Variants in IGFLR1 observed in about 807,000 individuals in gnomAD.
The protein encoded by IGFLR1 is IGF-like family receptor 1.
A neutral mutation model predicts 23.4 loss-of-function variants in IGFLR1; 17 were observed. That is an observed-to-expected ratio of 0.73 (90% CI 0.50 to 1.09). The LOEUF (loss-of-function observed/expected upper bound fraction) is 1.09. IGFLR1 is among the 50% of genes least tolerant of loss of function. The probability of loss-of-function intolerance (pLI) is 0.00; values close to 1 mark genes in which losing one functional copy is unlikely to be tolerated. For synonymous variants in IGFLR1, 265 were observed against 210.7 expected, an observed-to-expected ratio of 1.26 and a Z score of -2.23; for missense variants, 556 against 459.2, an observed-to-expected ratio of 1.21 and a Z score of -1.93.
chr19:35,740,189 T>G (rs1457876372), intron 3 of IGFLR1, 101 bp from the exon 4 acceptor site: 1 of 1,399,448 alleles, frequency 7.1e-7, no homozygotes, highest in Admixed American at 2.8e-5. Flanking sequence ...ACATCCCATC[T>G]GATACGGTAT....
chr19:35,740,663 G>C, intron 2 of IGFLR1, 99 bp from the exon 3 acceptor site: 1 of 1,195,812 alleles, frequency 8.4e-7, no homozygotes, highest in East Asian at 2.6e-5. Context: ...CGCCCCTCCA[G>C]GACGCTTCCA....
intron 3 of IGFLR1, 117 bp from the exon 4 acceptor site, chr19:35,740,205 A>G: frequency 2.2e-6 from 3 of 1,379,086 alleles, no homozygotes; most frequent in South Asian, 1.5e-5. Context: ...GGTATCTGAT[A>G]AGGTAGTTGG....
At position 35,738,931 on chromosome 19, in the gene IGFLR1, A is replaced by G. The variant is rs970044290; in HGVS notation, c.*349T>C. On this transcript the variant is annotated 3_prime_UTR_variant, in exon 5 of 5. Coordinates refer to ENST00000246532, the MANE Select transcript of IGFLR1 (RefSeq NM_024660.4). This position sits in a 1 kb window ranked among gnomAD's most constrained non-coding sequence, Gnocchi z 8.7. Reference sequence around the variant, plus strand: ...GGGGGCAGGTAGGAACCCCACTTCTACACACCCACCCATCATGACCCAAGG... The same window carrying G: ...GGGGGCAGGTAGGAACCCCACTTCTGCACACCCACCCATCATGACCCAAGG... 6.7e-6 allele frequency: 3 copies of G among 449,878 alleles called. No individual in the cohort carries two copies. Among genetic ancestry groups the G allele is most frequent in the Non-Finnish European group, 1.2e-5 (3 of 251,786 alleles). 27.9% of individuals were successfully genotyped at this position (449,878 alleles called of 1,614,324 possible).
At chr19:35,740,160 T>C (rs2146490983) in intron 3 of IGFLR1, 72 bp from the exon 4 acceptor site, 1 of 1,485,242 alleles carries the variant, frequency 6.7e-7, no homozygotes, top group South Asian at 1.3e-5. Flanking sequence ...CTCCCAACTT[T>C]ATATCCTTTA....
chr19:35,740,604 G>T, intron 2 of IGFLR1, 40 bp from the exon 3 acceptor site: 4 of 1,553,888 alleles, frequency 2.6e-6, no homozygotes, highest in Non-Finnish European at 3.5e-6. Flanking sequence ...CGCCTAGCCC[G>T]CCCCTGCGCG....
Position 35,742,026 on chromosome 19 carries a change from T to C in IGFLR1, c.-44+370A>G, listed in dbSNP as rs568171420. 5.3e-5 allele frequency among the ~76,000 whole-genome samples: 8 copies of C among 152,208 alleles called. No homozygotes were observed. The East Asian group carries it at 1.2e-3, about 22-fold the overall frequency. On this transcript the variant is annotated intron_variant, in intron 1 of 4. Transcript: ENST00000246532. ...ACTTGGGAGGCTGAGGCAGAATTGC[T>C]TGAACCTGGGAAGTGGAGGCTGCAG...
chr19:35,741,436 C>G, intron 1 of IGFLR1: 4 of 503,262 alleles, frequency 7.9e-6, no homozygotes, highest in Non-Finnish European at 1.4e-5. Flanking sequence ...GTGTCCTCAC[C>G]CACCCACCCT....
intron 1 of IGFLR1, chr19:35,741,449 CT>C: frequency 6.0e-6 from 3 of 502,456 alleles, no homozygotes; most frequent in Non-Finnish European, 7.2e-6. Flanking sequence ...CCCACCCTCC[CT>C]TTTCCATCCC....
Position 35,741,030 on chromosome 19 carries a change from A to AG in IGFLR1, c.150dup (p.Cys51LeufsTer5). The AG allele has an allele frequency of 1.2e-6, 2 of 1,611,280 alleles. No homozygotes were observed. Among genetic ancestry groups the AG allele is most frequent in the African/African-American group, 1.3e-5 (1 of 74,986 alleles). ...CTCGGTCTCGGATTCTCACCCGGGC[A>AG]GGGGGGCGGCCCGAAGCGTTGCAGG... On this transcript the variant is annotated frameshift_variant, in exon 2 of 5. Coordinates refer to ENST00000246532, the MANE Select transcript of IGFLR1 (RefSeq NM_024660.4). LOFTEE classifies it high-confidence loss of function.
Position 35,739,270 on chromosome 19 carries a change from T to G in IGFLR1, c.*10A>C. ...TGGGCTTAGTAGTCAGCAAAGTTCT[T>G]TATTGGGTGTTAAGCCCAGCAAACC... On this transcript the variant is annotated 3_prime_UTR_variant, in exon 5 of 5. Coordinates refer to ENST00000246532, the MANE Select transcript of IGFLR1 (RefSeq NM_024660.4). The G allele has an allele frequency of 6.4e-7, 1 of 1,557,398 alleles. No homozygotes were observed. Among genetic ancestry groups the G allele is most frequent in the Non-Finnish European group, 8.7e-7 (1 of 1,147,000 alleles).
chr19:35,740,178 C>T (rs1235995394), intron 3 of IGFLR1, 90 bp from the exon 4 acceptor site: 3 of 1,432,602 alleles, frequency 2.1e-6, no homozygotes, highest in Non-Finnish European at 2.8e-6. Flanking sequence ...TTAATGGGGC[C>T]ACATCCCATC....
At position 35,739,516 on chromosome 19, in the gene IGFLR1, C is replaced by T; in HGVS notation, c.832G>A (p.Ala278Thr). 6.2e-7 allele frequency: 1 copy of T among 1,614,058 alleles called. No homozygotes were observed. Among genetic ancestry groups the T allele is most frequent in the South Asian group, 1.1e-5 (1 of 91,088 alleles). Residue 278 changes from alanine (A) to threonine (T), a missense_variant, in exon 5 of 5, where the codon GCC becomes ACC. Transcript: ENST00000246532. ...GCCAGGTGTCGAGTAGTGCCATGGG[C>T]CATACCCCCACCTGGCCCAGGCTCA... ...DPEPGPGGGM[A>T]HGTTRHLAAR...
chr19:35,740,214 G>A lies in IGFLR1; in HGVS notation c.343-126C>T, dbSNP rs1001911955. On this transcript the variant is annotated intron_variant, in intron 3 of 4. Coordinates refer to ENST00000246532, the MANE Select transcript of IGFLR1 (RefSeq NM_024660.4). The stretch of plus-strand genomic sequence containing the variant: ...TGATACGGTATCTGATAAGGTAGTT[G>A]GGCCCCGCAAGGCCCAACTACCTTA... 3.7e-5 allele frequency: 51 copies of A among 1,370,236 alleles called. No homozygotes were observed. In the South Asian group the frequency reaches 7.1e-4, roughly 19 times the overall value. The allele number at this position is 1,370,236 out of a possible 1,614,324, so 84.9% of individuals were successfully genotyped here.
In IGFLR1 at chr19:35,741,094, A is replaced by T. The variant is rs540186869; in HGVS notation, c.87T>A (p.Leu29=). The T allele has an allele frequency of 7.5e-6, 12 of 1,605,726 alleles. No individual in the cohort carries two copies. The Admixed American group carries it at 1.9e-4, about 25-fold the overall frequency. The change falls in exon 2 of 5, where the codon CTT becomes CTA. Residue 29 remains leucine, a synonymous_variant. Transcript: ENST00000246532. ...PPEASQYCGR[L]EYWNPDNKCC... ...ACTTGTTGTCTGGGTTCCAGTATTC[A>T]AGGCGGCCGCAGTACTGGGAGGCTT...
rs758380772 is a variant in IGFLR1 at position 35,739,926 on chromosome 19, G to C, written c.505C>G (p.Leu169Val). 1.9e-6 allele frequency: 3 copies of C among 1,614,078 alleles called. No homozygotes were observed. Among genetic ancestry groups the C allele is most frequent in the Non-Finnish European group, 2.5e-6 (3 of 1,180,036 alleles). ...GCTATCACCGCCAAGGTCAGGAGCA[G>C]GACCAGCACCACGAGCGGAAGGAAA... ...PNFLPLVVLV[L>V]LLTLAVIAIL... is the part of the protein sequence containing the mutation. The change falls in exon 4 of 5, where the codon CTG becomes GTG. Residue 169 changes from leucine to valine, a missense_variant. Transcript: ENST00000246532.
rs1233661162 is a variant in IGFLR1, at chr19:35,739,140, AT to A, written c.*139del. ...CCCTCCCACATGTGGCCCTGTGTGT[AT>A]GTTGGAATAGGCCCTTCTAGGGCGA... On this transcript the variant is annotated 3_prime_UTR_variant, in exon 5 of 5. Transcript: ENST00000246532. The A allele has an allele frequency of 1.2e-6, 1 of 820,000 alleles. No homozygotes were observed. Among genetic ancestry groups the A allele is most frequent in the Non-Finnish European group, 1.9e-6 (1 of 532,558 alleles). The allele number at this position is 820,000 out of a possible 1,614,324, so 50.8% of individuals were successfully genotyped here. A position where few individuals can be genotyped will look rare whatever the true frequency, so the allele number is the denominator to read the frequency against.
chr19:35,739,682 C>G, intron 4 of IGFLR1, 28 bp downstream of exon 4: 1 of 1,563,906 alleles, frequency 6.4e-7, no homozygotes, highest in Non-Finnish European at 8.7e-7. Flanking sequence ...GTCCACCTTC[C>G]CTGCCCCGGG....
Position 35,740,415 on chromosome 19 carries a change from C to G in IGFLR1, c.307G>C (p.Ala103Pro). 6.2e-7 allele frequency: 1 copy of G among 1,606,830 alleles called. No individual in the cohort carries two copies. The highest frequency in any genetic ancestry group is 8.5e-7 in the Non-Finnish European group (1 of 1,177,254). Residue 103 changes from alanine (A) to proline (P), a missense_variant, in exon 3 of 5, where the codon GCG (alanine) becomes CCG (proline). Transcript: ENST00000246532. ...GGGAVTPTPAAGGGRTPWRCR... is the reference protein window; with the variant it reads ...GGGAVTPTPAPGGGRTPWRCR... ...CGCCACGGGGTTCTGCCCCCGCCCGCGGCGGGAGTAGGGGTCACGGCTCCG... is the reference window on the plus strand; with the variant it reads ...CGCCACGGGGTTCTGCCCCCGCCCGGGGCGGGAGTAGGGGTCACGGCTCCG...
At chr19:35,741,270 G>C in intron 1 of IGFLR1, 47 bp from the exon 2 acceptor site, 1 of 1,542,908 alleles carries the variant, frequency 6.5e-7, no homozygotes. Flanking sequence ...GCGGTGATGT[G>C]GGGGAACAGA....
Sources: allele counts gnomAD v4.1 joint callset (sites outside exome capture counted in the v4.1 genomes callset), GRCh38; gene constraint gnomAD v4.1.1; non-coding constraint Gnocchi (gnomAD v3.1); transcripts MANE v1.5; gene names NCBI Gene and HGNC (gene_info 2026-07-23, HGNC 2026-07-21).